The following PDZRN3 variants were observed in gnomAD, a reference collection of about 807,000 sequenced individuals.
PDZRN3 encodes PDZ domain containing ring finger 3.
A neutral mutation model predicts 85.7 loss-of-function variants in PDZRN3; 38 were observed. The ratio of observed to expected loss-of-function variants is 0.44; its 90% CI spans 0.34 to 0.58. The LOEUF (loss-of-function observed/expected upper bound fraction) is 0.58, where lower values mean the gene tolerates loss of function less well. Among genes scored for constraint, PDZRN3 ranks in the 20% least tolerant of loss-of-function variants. The pLI, the probability that PDZRN3 is intolerant of heterozygous loss-of-function variation, is 0.01. For synonymous variants in PDZRN3, 759 were observed against 638.0 expected (o/e 1.19, Z -2.86); for missense variants, 1,629 against 1,506.4 (o/e 1.08, Z -1.35).
At chr3:73,549,781 G>A (rs1040641636) in intron 3 of PDZRN3, among the ~76,000 whole-genome samples, 22 of 152,128 alleles carry the variant, frequency 1.4e-4, no homozygotes, top group South Asian at 6.2e-4. Flanking sequence ...AGTCACCTTC[G>A]TACTTCTGTG....
At position 73,384,119 on chromosome 3, in the gene PDZRN3, T is replaced by C; in HGVS notation, c.2447A>G (p.Glu816Gly). The C allele has an allele frequency of 6.2e-7, 1 of 1,614,060 alleles. No individual in the cohort carries two copies. Among genetic ancestry groups the C allele is most frequent in the Non-Finnish European group, 8.5e-7 (1 of 1,180,010 alleles). The stretch of plus-strand genomic sequence containing the variant: ...CGGGCTATAGGTAGGGGTGCCCACT[T>C]CGGGATCTTCCGTGATGGAGAGCAG... ...KNLLSITEDP[E>G]VGTPTYSPSL... The change falls in exon 10 of 10, where the codon GAA (glutamate) becomes GGA (glycine). Residue 816 changes from glutamate (E) to glycine (G), a missense_variant. Transcript: ENST00000263666.
At chr3:73,505,294 T>C (rs1287050410) in intron 3 of PDZRN3, among the ~76,000 whole-genome samples, 1 of 152,194 alleles carries the variant, frequency 6.6e-6, no homozygotes, top group Non-Finnish European at 1.5e-5. Context: ...ACCCCAGTCC[T>C]TAAAGATAGA....
At chr3:73,397,551 T>C (rs1701664600) in intron 5 of PDZRN3, among the ~76,000 whole-genome samples, 1 of 152,204 alleles carries the variant, frequency 6.6e-6, no homozygotes. Context: ...CGGGGTTTAT[T>C]AATTAACCTT....
At chr3:73,431,627 G>A (rs1053083267) in intron 3 of PDZRN3, among the ~76,000 whole-genome samples, 1 of 152,188 alleles carries the variant, frequency 6.6e-6, no homozygotes, top group Non-Finnish European at 1.5e-5. Context: ...AGGAGCAGGG[G>A]GGATTTTACT....
At chr3:73,468,705 G>C (rs1703272853) in intron 3 of PDZRN3, among the ~76,000 whole-genome samples, 2 of 152,110 alleles carry the variant, frequency 1.3e-5, no homozygotes, top group Non-Finnish European at 2.9e-5. Flanking sequence ...ATTTTTAAAA[G>C]CACCCCCACC....
At chr3:73,484,352 A>G (rs1703624478) in intron 3 of PDZRN3, among the ~76,000 whole-genome samples, 1 of 152,186 alleles carries the variant, frequency 6.6e-6, no homozygotes, top group Admixed American at 6.5e-5. Context: ...GGGAGTTGCC[A>G]AAGTCATGAG....
At chr3:73,429,596 A>C (rs1702388703) in intron 3 of PDZRN3, among the ~76,000 whole-genome samples, 1 of 152,194 alleles carries the variant, frequency 6.6e-6, no homozygotes, top group South Asian at 2.1e-4. Flanking sequence ...GTGTTTTTCT[A>C]TCCAACTGGC....
intron 3 of PDZRN3, among the ~76,000 whole-genome samples, chr3:73,547,483 C>T (rs1701452157): frequency 6.6e-6 from 1 of 152,246 alleles, no homozygotes; most frequent in Non-Finnish European, 1.5e-5. Context: ...CTTGGAGATA[C>T]AGTGCAGTGG....
intron 3 of PDZRN3, among the ~76,000 whole-genome samples, chr3:73,489,934 T>C (rs965791228): frequency 1.3e-5 from 2 of 152,132 alleles, no homozygotes. Flanking sequence ...CTCTCAGGCA[T>C]CTAAACCCAC....
chr3:73,499,053 T>C (rs1703924432), intron 3 of PDZRN3, among the ~76,000 whole-genome samples: 1 of 152,114 alleles, frequency 6.6e-6, no homozygotes, highest in African/African-American at 2.4e-5. Flanking sequence ...AACCAGGAGA[T>C]TCCCAGTGGC....
rs764315637 is a variant in PDZRN3 at position 73,400,914 on chromosome 3, C to G, written c.1254+8G>C. The G allele has an allele frequency of 5.7e-6, 9 of 1,589,424 alleles. No individual in the cohort carries two copies. The East Asian group carries it at 2.0e-4, about 35-fold the overall frequency. On this transcript the variant is annotated splice_region_variant and intron_variant, in intron 5 of 9. Transcript: ENST00000263666. The stretch of plus-strand genomic sequence containing the variant: ...ACTCCTAAAATGAGACAAGGATGTT[C>G]TTCATACCTCCAGCTCCAGCTCCTC...
At position 73,624,378 on chromosome 3, in the gene PDZRN3, A is replaced by G; in HGVS notation, c.448T>C (p.Leu150=). 7.6e-7 allele frequency: 1 copy of G among 1,310,308 alleles called. No individual in the cohort carries two copies. The highest frequency in any genetic ancestry group is 9.7e-7 in the Non-Finnish European group (1 of 1,036,040). The allele number at this position is 1,310,308 out of a possible 1,614,324, so 81.2% of individuals were successfully genotyped here. A position where few individuals can be genotyped will look rare whatever the true frequency, so the allele number is the denominator to read the frequency against. ...GRCQEGCGLP[L]THGEQRAGGH... The stretch of plus-strand genomic sequence containing the variant: ...CCCGCGCGCTGCTCGCCGTGCGTCA[A>G]GGGTAGCCCGCAGCCCTCCTGGCAG... The change falls in exon 1 of 10, where the codon TTG becomes CTG. Residue 150 remains leucine (L), a synonymous_variant. Transcript: ENST00000263666.
chr3:73,588,809 G>A (rs1411326240), intron 3 of PDZRN3, among the ~76,000 whole-genome samples: 5 of 152,204 alleles, frequency 3.3e-5, no homozygotes, highest in Non-Finnish European at 5.9e-5. Flanking sequence ...AGCAAAACAG[G>A]TGGCACATAT....
intron 1 of PDZRN3, among the ~76,000 whole-genome samples, chr3:73,609,563 T>C (rs943164935): frequency 2.0e-5 from 3 of 152,236 alleles, no homozygotes; most frequent in African/African-American, 4.8e-5. Context: ...ATGGATGATA[T>C]GCAAAACATC....
intron 3 of PDZRN3, among the ~76,000 whole-genome samples, chr3:73,413,836 T>C (rs777138663): frequency 6.6e-6 from 1 of 152,142 alleles, no homozygotes; most frequent in Non-Finnish European, 1.5e-5. Context: ...GTGCATGCCA[T>C]GGCAAGGGCA....
chr3:73,549,140 C>T (rs150543440), intron 3 of PDZRN3, among the ~76,000 whole-genome samples: 7 of 152,254 alleles, frequency 4.6e-5, no homozygotes, highest in African/African-American at 7.2e-5. Context: ...TGCACTTGAA[C>T]GTTTCCTTCC....
intron 5 of PDZRN3, 128 bp from the exon 6 acceptor site, chr3:73,391,244 G>A (rs561533366): frequency 7.5e-5 from 46 of 613,004 alleles, no homozygotes; most frequent in Non-Finnish European, 1.0e-4. Context: ...GTGTAGGGCC[G>A]GTTAACTTAC....
chr3:73,590,717 T>C (rs1702346009), intron 3 of PDZRN3, among the ~76,000 whole-genome samples: 1 of 152,246 alleles, frequency 6.6e-6, no homozygotes, highest in Non-Finnish European at 1.5e-5. Flanking sequence ...CAAATTCCTG[T>C]ATCACCAGCA....
intron 3 of PDZRN3, among the ~76,000 whole-genome samples, chr3:73,503,669 C>T (rs908612401): frequency 3.0e-4 from 45 of 152,112 alleles, no homozygotes; most frequent in African/African-American, 8.5e-4. Flanking sequence ...AATACAAGTA[C>T]GTTTCCAAAA....
Sources: allele counts gnomAD v4.1 joint callset (sites outside exome capture counted in the v4.1 genomes callset), GRCh38; gene constraint gnomAD v4.1.1; transcripts MANE v1.5; gene names NCBI Gene and HGNC (gene_info 2026-07-23, HGNC 2026-07-21).